Variants in SRD5A1 observed in about 807,000 individuals in gnomAD.
SRD5A1 encodes 3-oxo-5-alpha-steroid 4-dehydrogenase 1.
In SRD5A1, 22 loss-of-function variants were observed where a neutral mutation model predicts 28.2. The ratio of observed to expected loss-of-function variants is 0.78; its 90% CI spans 0.56 to 1.12. The LOEUF is 1.12. Ranked by LOEUF, SRD5A1 falls within the 50% of genes most tolerant of loss-of-function variation. The probability of loss-of-function intolerance (pLI) is 0.00; values close to 1 mark genes in which losing one functional copy is unlikely to be tolerated. For missense variants in SRD5A1, 300 were observed against 346.7 expected (o/e 0.87, Z 1.07); for synonymous variants, 151 against 135.0 (o/e 1.12, Z -0.82).
intron 3 of SRD5A1, among the ~76,000 whole-genome samples, chr5:6,661,280 C>T (rs1202959712): frequency 6.6e-6 from 1 of 151,856 alleles, no homozygotes; most frequent in Non-Finnish European, 1.5e-5. Context: ...ATGGCTCACA[C>T]CTGTAATCCC....
At position 6,633,521 on chromosome 5, in the gene SRD5A1, C is replaced by A; in HGVS notation, c.-56C>A. On this transcript the variant is annotated 5_prime_UTR_variant, in exon 1 of 5. Coordinates refer to ENST00000274192, the MANE Select transcript of SRD5A1 (RefSeq NM_001047.4). ...CCCCTCCTGCCCCCGCGCCGCCGCC[C>A]TATATGTTGCCCGCCGCGGCCTCTG... 2 of 1,420,236 alleles carry A rather than the reference C, an allele frequency of 1.4e-6. No homozygotes were observed. The highest frequency in any genetic ancestry group is 1.5e-5 in the South Asian group (1 of 66,416). 88.0% of individuals were successfully genotyped at this position (1,420,236 alleles called of 1,614,324 possible). A position where few individuals can be genotyped will look rare whatever the true frequency, so the allele number is the denominator to read the frequency against.
intron 1 of SRD5A1, among the ~76,000 whole-genome samples, 181 bp downstream of exon 1, chr5:6,634,050 G>A (rs867520836): frequency 1.3e-5 from 2 of 152,244 alleles, no homozygotes; most frequent in Non-Finnish European, 2.9e-5. Flanking sequence ...CCCGGCCCCG[G>A]GAGTTTGGAA....
At chr5:6,659,740 C>T (rs950296875) in intron 3 of SRD5A1, among the ~76,000 whole-genome samples, 1 of 152,090 alleles carries the variant, frequency 6.6e-6, no homozygotes, top group Non-Finnish European at 1.5e-5. Context: ...GGCAGCAACA[C>T]GAGAGGCCCA....
chr5:6,634,931 T>C, intron 1 of SRD5A1, among the ~76,000 whole-genome samples: 1 of 152,238 alleles, frequency 6.6e-6, no homozygotes, highest in Admixed American at 6.5e-5. Context: ...AAAGGATGTC[T>C]CTACACCCAA....
chr5:6,657,616 C>T (rs1209925336), intron 3 of SRD5A1, among the ~76,000 whole-genome samples: 4 of 152,214 alleles, frequency 2.6e-5, no homozygotes, highest in African/African-American at 9.6e-5. Context: ...CTGGGGAAGG[C>T]AGAATGAAAA....
intron 4 of SRD5A1, 79 bp downstream of exon 4, chr5:6,663,045 A>G (rs1241346434): frequency 2.6e-6 from 4 of 1,545,670 alleles, no homozygotes; most frequent in South Asian, 1.2e-5. Context: ...AGATTTTTGA[A>G]GTGTTAATTT....
In SRD5A1 at chr5:6,651,823, C is replaced by G; in HGVS notation, c.294-19C>G. On this transcript the variant is annotated intron_variant, in intron 1 of 4. Transcript: ENST00000274192. ...TCTTTAATTTTTTAAAAAATTGTGC[C>G]TGTTTCTTGTTTCCTAAGGTGCTTA... 2 of 1,569,890 alleles carry G rather than the reference C, an allele frequency of 1.3e-6. No homozygotes were observed. Among genetic ancestry groups the G allele is most frequent in the Non-Finnish European group, 1.7e-6 (2 of 1,155,740 alleles).
chr5:6,641,221 G>A (rs564052824), intron 1 of SRD5A1, among the ~76,000 whole-genome samples: 1 of 152,264 alleles, frequency 6.6e-6, no homozygotes, highest in African/African-American at 2.4e-5. Context: ...AAGTGCTGTC[G>A]TCCCTCTAGA....
At chr5:6,638,529 T>C (rs1210346525) in intron 1 of SRD5A1, among the ~76,000 whole-genome samples, 1 of 152,230 alleles carries the variant, frequency 6.6e-6, no homozygotes, top group Non-Finnish European at 1.5e-5. Context: ...TAGAAGTCAA[T>C]TGGCAGTTTC....
intron 1 of SRD5A1, among the ~76,000 whole-genome samples, chr5:6,641,280 G>A (rs985912632): frequency 7.2e-5 from 11 of 152,086 alleles, no homozygotes; most frequent in South Asian, 2.1e-4. Flanking sequence ...CCTTCTTCCC[G>A]ACCCCACCCC....
At chr5:6,643,470 A>C (rs1057405726) in intron 1 of SRD5A1, among the ~76,000 whole-genome samples, 3 of 152,024 alleles carry the variant, frequency 2.0e-5, no homozygotes, top group Admixed American at 2.0e-4. Context: ...ACACCCAGCT[A>C]ATTTTCATAT....
intron 1 of SRD5A1, among the ~76,000 whole-genome samples, chr5:6,646,502 G>A (rs551620281): frequency 2.4e-4 from 36 of 152,204 alleles, no homozygotes; most frequent in African/African-American, 6.5e-4. Flanking sequence ...TTTAATCTTG[G>A]GAGGGCGTAT....
chr5:6,659,815 TGAA>T (rs1301763353), intron 3 of SRD5A1, among the ~76,000 whole-genome samples: 2 of 152,210 alleles, frequency 1.3e-5, no homozygotes, highest in African/African-American at 4.8e-5. Context: ...TGTCAGGTTT[TGAA>T]GACTCAGGTG....
In SRD5A1 at chr5:6,633,624, C is replaced by A. The variant is rs564081089; in HGVS notation, c.48C>A (p.Leu16=). The change falls in exon 1 of 5, where the codon CTC becomes CTA. Residue 16 remains leucine, a synonymous_variant. Transcript: ENST00000274192. ...GVAEERLLAA[L]AYLQCAVGCA... ...CGGAGGAGCGCCTGCTGGCCGCGCT[C>A]GCCTACCTGCAGTGCGCCGTGGGCT... is the stretch of plus-strand genomic sequence containing the variant. 52 of 1,537,248 alleles carry A rather than the reference C, an allele frequency of 3.4e-5. No homozygotes were observed. The African/African-American group carries it at 6.1e-4, about 18-fold the overall frequency.
rs1739434563 is a variant in SRD5A1 at position 6,673,983 on chromosome 5, T to A, written c.*5715T>A. 6.6e-6 allele frequency: 1 copy of A among 152,142 alleles called. No homozygotes were observed. The highest frequency in any genetic ancestry group is 1.5e-5 in the Non-Finnish European group (1 of 68,018). The allele number at this position is 152,142 out of a possible 1,614,324, so 9.4% of individuals were successfully genotyped here. A position where few individuals can be genotyped will look rare whatever the true frequency, so the allele number is the denominator to read the frequency against. On this transcript the variant is annotated 3_prime_UTR_variant, in exon 5 of 5. Transcript: ENST00000274192. ...GATGAACAGGCAGAATACAAACAAA[T>A]TTTAGGGCAGTGAAACTATTATTAT...
intron 1 of SRD5A1, among the ~76,000 whole-genome samples, chr5:6,636,814 A>G (rs1317884568): frequency 2.0e-5 from 3 of 152,304 alleles, no homozygotes; most frequent in Middle Eastern, 3.4e-3. Flanking sequence ...TATAGTGACA[A>G]GACATTCCCT....
At chr5:6,649,263 G>A (rs1220186286) in intron 1 of SRD5A1, among the ~76,000 whole-genome samples, 4 of 152,174 alleles carry the variant, frequency 2.6e-5, no homozygotes, top group Admixed American at 1.3e-4. Context: ...TGGGAGAACC[G>A]CTGCTCTCTT....
chr5:6,652,160 G>GC lies in SRD5A1; in HGVS notation c.460+153dup, dbSNP rs1184560999. The stretch of plus-strand genomic sequence containing the variant: ...CCCCGGAGTCCCATGGGAGAGCCCA[G>GC]CTGTCTCAGCACAGCTGGGGGCAGA... On this transcript the variant is annotated intron_variant, in intron 2 of 4. Coordinates refer to ENST00000274192, the MANE Select transcript of SRD5A1 (RefSeq NM_001047.4). 16 of 865,940 alleles carry GC rather than the reference G, an allele frequency of 1.8e-5. No homozygotes were observed. In the African/African-American group the frequency reaches 2.6e-4, roughly 14 times the overall value. The allele number at this position is 865,940 out of a possible 1,614,324, so 53.6% of individuals were successfully genotyped here. A position where few individuals can be genotyped will look rare whatever the true frequency, so the allele number is the denominator to read the frequency against.
intron 1 of SRD5A1, among the ~76,000 whole-genome samples, chr5:6,641,111 T>C (rs974795312): frequency 1.3e-5 from 2 of 152,206 alleles, no homozygotes. Context: ...GAGTAATTTA[T>C]GTCCAGGCAG....
Sources: allele counts gnomAD v4.1 joint callset (sites outside exome capture counted in the v4.1 genomes callset), GRCh38; gene constraint gnomAD v4.1.1; transcripts MANE v1.5; gene names NCBI Gene and HGNC (gene_info 2026-07-23, HGNC 2026-07-21).